The following SND1 variants were observed in gnomAD, a reference collection of about 807,000 sequenced individuals.
The protein encoded by SND1 is staphylococcal nuclease and tudor domain containing 1.
In SND1, 38 loss-of-function variants were observed where a neutral mutation model predicts 121.7. The observed-to-expected ratio is 0.31, with a 90% confidence interval of 0.24 to 0.41. The LOEUF (loss-of-function observed/expected upper bound fraction) is 0.41. Ranked by LOEUF, SND1 falls within the 10% of genes least tolerant of loss-of-function variation. The pLI, the probability that SND1 is intolerant of heterozygous loss-of-function variation, is 1.00. For missense variants in SND1, 868 were observed against 1,184.6 expected (o/e 0.73, Z 3.92); for synonymous variants, 401 against 447.4 (o/e 0.90, Z 1.31).
Position 128,061,651 on chromosome 7 carries a change from A to G in SND1, c.1780-12851A>G, listed in dbSNP as rs116424744. Among the ~76,000 whole-genome samples the G allele has an allele frequency of 5.0e-3, 768 of 152,364 alleles. 5 individuals carry two copies. Among genetic ancestry groups the G allele is most frequent in the African/African-American group, 0.018 (740 of 41,588 alleles). ...ATGCCATATTTTAATTGTCATTAGC[A>G]ATAAAAAACTAGCAGTGAGGAAACC... On this transcript the variant is annotated intron_variant, in intron 16 of 23. Coordinates refer to ENST00000354725, the MANE Select transcript of SND1 (RefSeq NM_014390.4).
At chr7:127,774,052 C>T (rs188081629) in intron 10 of SND1, among the ~76,000 whole-genome samples, 2 of 152,182 alleles carry the variant, frequency 1.3e-5, no homozygotes, top group African/African-American at 4.8e-5. Flanking sequence ...TTTCTATCAT[C>T]GTTTTAGAGT....
Position 128,060,595 on chromosome 7 carries a change from A to C in SND1, c.1780-13907A>C, listed in dbSNP as rs1400091397. Among the ~76,000 whole-genome samples, 5 of 152,142 alleles carry C rather than the reference A, an allele frequency of 3.3e-5. No individual in the cohort carries two copies. In the East Asian group the frequency reaches 9.6e-4, roughly 29 times the overall value. Reference sequence around the variant, plus strand: ...CTGCATTTTCCTGCCTGCTGCCTCTAGGCAGCAGCTCAGGAGCAGTGGGCA... The same window carrying C: ...CTGCATTTTCCTGCCTGCTGCCTCTCGGCAGCAGCTCAGGAGCAGTGGGCA... On this transcript the variant is annotated intron_variant, in intron 16 of 23. Coordinates refer to ENST00000354725, the MANE Select transcript of SND1 (RefSeq NM_014390.4).
intron 14 of SND1, among the ~76,000 whole-genome samples, chr7:127,926,549 C>CTTTTTTTTTT (rs71160605): frequency 2.4e-4 from 22 of 90,562 alleles, no homozygotes; most frequent in African/African-American, 5.4e-4. Flanking sequence ...TTTTCTTTTT[C>CTTTTTTTTTT]TTTTTTTTTT....
intron 1 of SND1, among the ~76,000 whole-genome samples, chr7:127,667,524 GCAGTAGCTGCTGT>G (rs1040371244): frequency 5.3e-5 from 8 of 152,168 alleles, no homozygotes; most frequent in African/African-American, 1.7e-4. Flanking sequence ...GGCTAGTAAC[GCAGTAGCTGCTGT>G]CCCCCATCCC....
intron 10 of SND1, among the ~76,000 whole-genome samples, chr7:127,804,730 A>C (rs1485173582): frequency 7.0e-6 from 1 of 142,860 alleles, no homozygotes; most frequent in Non-Finnish European, 1.6e-5. Context: ...ACATAGTAAG[A>C]CCCCATATCT....
At chr7:127,810,319 T>G (rs1407215975) in intron 11 of SND1, among the ~76,000 whole-genome samples, 1 of 152,212 alleles carries the variant, frequency 6.6e-6, no homozygotes, top group Admixed American at 6.5e-5. Flanking sequence ...TGTATGTGTG[T>G]GTTTCTAATT....
At chr7:128,089,885 G>A (rs1344278338) in intron 22 of SND1, 193 bp downstream of exon 22, 2 of 593,222 alleles carry the variant, frequency 3.4e-6, no homozygotes, top group South Asian at 2.0e-5. Flanking sequence ...TTAATTGGCT[G>A]CGGGTTTGGC....
intron 15 of SND1, among the ~76,000 whole-genome samples, chr7:127,970,694 A>G (rs953613965): frequency 7.2e-5 from 11 of 152,046 alleles, no homozygotes; most frequent in Non-Finnish European, 1.6e-4. Context: ...TCCCTTTTCA[A>G]TTTTATCTTG....
intron 15 of SND1, among the ~76,000 whole-genome samples, chr7:127,960,076 G>A (rs558832049): frequency 6.6e-6 from 1 of 152,146 alleles, no homozygotes; most frequent in Non-Finnish European, 1.5e-5. Context: ...CTGGCCATTC[G>A]TCTCTGGAAC....
At chr7:127,929,358 G>T (rs758426119) in intron 15 of SND1, 29 bp downstream of exon 15, 1 of 1,612,076 alleles carries the variant, frequency 6.2e-7, no homozygotes, top group East Asian at 2.2e-5. Flanking sequence ...ATGTTACTCT[G>T]AGCTCAGAAG....
At chr7:127,732,007 T>C (rs1357588281) in intron 10 of SND1, among the ~76,000 whole-genome samples, 2 of 152,202 alleles carry the variant, frequency 1.3e-5, no homozygotes, top group African/African-American at 2.4e-5. Flanking sequence ...TGTCTCTTTA[T>C]CTAGGAATAC....
intron 9 of SND1, among the ~76,000 whole-genome samples, chr7:127,714,479 A>G (rs967932890): frequency 1.3e-5 from 2 of 152,212 alleles, no homozygotes; most frequent in African/African-American, 2.4e-5. Context: ...CAAATTGTTT[A>G]TAATGACAAA....
At chr7:128,091,580 A>G (rs1468203363) in intron 22 of SND1, among the ~76,000 whole-genome samples, 2 of 152,174 alleles carry the variant, frequency 1.3e-5, no homozygotes, top group East Asian at 3.9e-4. Flanking sequence ...AGACTGAAGC[A>G]GGTGGGAGAG....
chr7:128,091,751 C>T (rs772659411), intron 22 of SND1, 86 bp from the exon 23 acceptor site: 67 of 1,400,608 alleles, frequency 4.8e-5, no homozygotes, highest in Non-Finnish European at 6.4e-5. Context: ...AGAGCTCTGG[C>T]GCTTACCTAA....
chr7:127,967,291 A>G (rs1479568969), intron 15 of SND1, among the ~76,000 whole-genome samples: 2 of 152,220 alleles, frequency 1.3e-5, no homozygotes, highest in African/African-American at 4.8e-5. Flanking sequence ...CATGGAATCC[A>G]GAGAGAAAAC....
chr7:127,655,901 C>T (rs1795202286), intron 1 of SND1, among the ~76,000 whole-genome samples: 1 of 152,134 alleles, frequency 6.6e-6, no homozygotes, highest in African/African-American at 2.4e-5. Flanking sequence ...CTTGAATCTT[C>T]TGTGCTTATC....
At chr7:127,894,377 G>A (rs1386599353) in intron 13 of SND1, among the ~76,000 whole-genome samples, 1 of 149,406 alleles carries the variant, frequency 6.7e-6, no homozygotes, top group Non-Finnish European at 1.5e-5. Context: ...AAAGTAATGT[G>A]TGCCTTAAAA....
rs75109964 is a variant in SND1 at position 127,798,484 on chromosome 7, G to A, written c.1153-9000G>A. ...GAACTAAGGAATATTTGGAAATTTT[G>A]TTTTGTCACTGTTACTACAATGTTT... On this transcript the variant is annotated intron_variant, in intron 10 of 23. Transcript: ENST00000354725. Among the ~76,000 whole-genome samples, 484 of 152,240 alleles carry A rather than the reference G, an allele frequency of 3.2e-3. 5 individuals carry two copies. Among genetic ancestry groups the A allele is most frequent in the African/African-American group, 0.011 (458 of 41,534 alleles).
intron 16 of SND1, among the ~76,000 whole-genome samples, chr7:128,037,461 A>C (rs1035883695): frequency 1.5e-4 from 23 of 152,248 alleles, no homozygotes; most frequent in Middle Eastern, 6.8e-3. Flanking sequence ...TGCAGACATC[A>C]TTTCAAATTC....
Sources: allele counts gnomAD v4.1 joint callset (sites outside exome capture counted in the v4.1 genomes callset), GRCh38; gene constraint gnomAD v4.1.1; transcripts MANE v1.5; gene names NCBI Gene and HGNC (gene_info 2026-07-23, HGNC 2026-07-21).